LRRC4C: variants seen among roughly 807,000 people sequenced by gnomAD.
The protein encoded by LRRC4C is leucine rich repeat containing 4C, also known as leucine-rich repeat-containing protein 4C.
LRRC4C carries 5 observed loss-of-function variants against 33.6 expected under a neutral mutation model. The observed-to-expected ratio is 0.15, with a 90% CI of 0.08 to 0.31. LRRC4C has a LOEUF of 0.31. Among genes scored for constraint, LRRC4C ranks in the 10% least tolerant of loss-of-function variants. LRRC4C has a pLI of 1.00. For missense variants in LRRC4C, 560 were observed against 796.7 expected (o/e 0.70, Z 3.58); for synonymous variants, 329 against 302.0 (o/e 1.09, Z -0.93).
intron 3 of LRRC4C, among the ~76,000 whole-genome samples, chr11:40,423,289 G>GAT (rs1950586776): frequency 6.6e-6 from 1 of 150,914 alleles, no homozygotes; most frequent in Non-Finnish European, 1.5e-5. Flanking sequence ...TGTCCTCCAG[G>GAT]ATATAAACGG....
chr11:41,083,039 G>A (rs1346674195), intron 1 of LRRC4C, among the ~76,000 whole-genome samples: 6 of 152,012 alleles, frequency 3.9e-5, no homozygotes, highest in African/African-American at 1.4e-4. Context: ...CTAGAGAGAA[G>A]CCCTACAAGC....
intron 2 of LRRC4C, among the ~76,000 whole-genome samples, chr11:40,760,637 G>GTCTC (rs1165225443): frequency 1.3e-5 from 2 of 150,520 alleles, no homozygotes; most frequent in Non-Finnish European, 3.0e-5. Context: ...TTGAGATGGG[G>GTCTC]TCTCACTCTG....
intron 3 of LRRC4C, among the ~76,000 whole-genome samples, chr11:40,390,718 G>C (rs1018566886): frequency 2.0e-5 from 3 of 152,022 alleles, no homozygotes; most frequent in African/African-American, 7.2e-5. Context: ...GAAGGGTCAG[G>C]GACCTGACTC....
At chr11:40,309,488 C>G (rs4756588) in intron 4 of LRRC4C, among the ~76,000 whole-genome samples, 148,535 of 151,832 alleles carry the variant, frequency 0.98, 72,738 homozygotes, top group Non-Finnish European at 1. Context: ...TGAGTGAACA[C>G]GACAGAGAAG....
intron 1 of LRRC4C, among the ~76,000 whole-genome samples, chr11:41,049,100 C>G (rs1858014443): frequency 6.6e-6 from 1 of 152,136 alleles, no homozygotes; most frequent in African/African-American, 2.4e-5. Context: ...GCTGTGTCCT[C>G]ACCCAAATCT....
intron 1 of LRRC4C, among the ~76,000 whole-genome samples, chr11:41,206,112 T>C (rs1946592301): frequency 6.6e-6 from 1 of 152,084 alleles, no homozygotes; most frequent in Admixed American, 6.6e-5. Flanking sequence ...TGCTAAAGAT[T>C]AGGTAGGGCT....
chr11:40,352,110 T>TCTTCCTTCCTTC (rs200446819), intron 3 of LRRC4C, among the ~76,000 whole-genome samples: 104 of 123,888 alleles, frequency 8.4e-4, no homozygotes, highest in African/African-American at 2.8e-3. Context: ...TTCCTTTCTT[T>TCTTCCTTCCTTC]CTTCCTTCCT....
chr11:40,603,713 T>C (rs1960262405), intron 3 of LRRC4C, among the ~76,000 whole-genome samples: 1 of 152,186 alleles, frequency 6.6e-6, no homozygotes, highest in South Asian at 2.1e-4. Context: ...GAGGAGACCC[T>C]TAAGGCCTTA....
intron 1 of LRRC4C, among the ~76,000 whole-genome samples, chr11:41,078,085 T>A (rs968279578): frequency 6.6e-6 from 1 of 152,186 alleles, no homozygotes; most frequent in African/African-American, 2.4e-5. Flanking sequence ...AATTTCCTCA[T>A]CTCCATCTGA....
At chr11:40,886,218 A>C (rs1955446101) in intron 2 of LRRC4C, among the ~76,000 whole-genome samples, 1 of 152,082 alleles carries the variant, frequency 6.6e-6, no homozygotes, top group South Asian at 2.1e-4. Context: ...ATCCTAAATT[A>C]CTGCCAAAAA....
At chr11:41,151,657 T>A (rs973681401) in intron 1 of LRRC4C, among the ~76,000 whole-genome samples, 1 of 152,192 alleles carries the variant, frequency 6.6e-6, no homozygotes, top group African/African-American at 2.4e-5. Context: ...TTCAAACCCA[T>A]GTCCCTCTGG....
intron 1 of LRRC4C, among the ~76,000 whole-genome samples, chr11:41,187,792 C>G (rs946263804): frequency 6.6e-6 from 1 of 152,282 alleles, no homozygotes; most frequent in African/African-American, 2.4e-5. Flanking sequence ...GCCGTGGGGC[C>G]GGAGCACCAC....
At chr11:40,285,712 T>G (rs889404483) in intron 4 of LRRC4C, among the ~76,000 whole-genome samples, 6 of 152,096 alleles carry the variant, frequency 3.9e-5, no homozygotes, top group Admixed American at 3.9e-4. Context: ...AACTTTCATT[T>G]CAGGAAATAG....
At chr11:40,543,921 C>T (rs548504856) in intron 3 of LRRC4C, among the ~76,000 whole-genome samples, 3 of 151,824 alleles carry the variant, frequency 2.0e-5, no homozygotes, top group Non-Finnish European at 4.4e-5. Context: ...ATTTGAGAGT[C>T]CTGTCTTCCA....
intron 6 of LRRC4C, among the ~76,000 whole-genome samples, chr11:40,124,322 G>A (rs1233567110): frequency 6.6e-6 from 1 of 152,018 alleles, no homozygotes; most frequent in African/African-American, 2.4e-5. Context: ...CCCTAAAAAA[G>A]GAAATCAATA....
chr11:40,330,037 G>C (rs751848552), intron 3 of LRRC4C, among the ~76,000 whole-genome samples: 1 of 152,082 alleles, frequency 6.6e-6, no homozygotes, highest in Non-Finnish European at 1.5e-5. Context: ...CACCATGCCT[G>C]GCTGGTAGTT....
intron 5 of LRRC4C, among the ~76,000 whole-genome samples, chr11:40,200,148 G>A (rs1862589184): frequency 8.4e-6 from 1 of 118,784 alleles, no homozygotes; most frequent in South Asian, 2.8e-4. Flanking sequence ...TTCAAGACTT[G>A]CCTGGCCAAA....
intron 3 of LRRC4C, among the ~76,000 whole-genome samples, chr11:40,451,682 G>A (rs111964595): frequency 1.2e-4 from 18 of 152,130 alleles, no homozygotes; most frequent in African/African-American, 4.3e-4. Context: ...ACTGCACCCG[G>A]CCAGAAATGA....
intron 3 of LRRC4C, among the ~76,000 whole-genome samples, chr11:40,363,662 C>T (rs1483351633): frequency 6.6e-6 from 1 of 152,194 alleles, no homozygotes; most frequent in African/African-American, 2.4e-5. Context: ...TCAGCTTCCA[C>T]CTTTTGCATG....
Sources: gnomAD v4.1 joint callset for allele counts (sites outside exome capture counted in the v4.1 genomes callset) on GRCh38, gnomAD v4.1.1 for gene constraint, MANE v1.5 for transcripts, NCBI Gene and HGNC (gene_info 2026-07-23, HGNC 2026-07-21) for gene names.